Variants in IGDCC3 observed in about 807,000 individuals in gnomAD.
IGDCC3 encodes the protein immunoglobulin superfamily DCC subclass member 3.
Under a neutral mutation model 72.0 loss-of-function variants are expected in IGDCC3, and 47 were observed. The ratio of observed to expected loss-of-function variants is 0.65; its 90% confidence interval spans 0.52 to 0.83. The LOEUF (loss-of-function observed/expected upper bound fraction) is 0.83. IGDCC3 is among the 40% of genes least tolerant of loss of function. The pLI, the probability that IGDCC3 is intolerant of heterozygous loss-of-function variation, is 0.00. For missense variants in IGDCC3, 1,038 were observed against 1,091.3 expected, an observed-to-expected ratio of 0.95 and a Z score of 0.69; for synonymous variants, 477 against 472.8, an observed-to-expected ratio of 1.01 and a Z score of -0.11.
intron 2 of IGDCC3, among the ~76,000 whole-genome samples, chr15:65,361,533 T>C (rs2091261527): frequency 1.3e-5 from 2 of 151,428 alleles, no homozygotes; most frequent in Non-Finnish European, 2.9e-5. Flanking sequence ...TCTCCATTGT[T>C]CCCCCTCTCA....
At chr15:65,372,603 C>T (rs1018176992) in intron 2 of IGDCC3, among the ~76,000 whole-genome samples, 1 of 152,162 alleles carries the variant, frequency 6.6e-6, no homozygotes, top group Non-Finnish European at 1.5e-5. Flanking sequence ...CATCTGCCTC[C>T]CTGGGTTAGT....
chr15:65,353,969 G>C (rs572712284), intron 2 of IGDCC3, among the ~76,000 whole-genome samples: 3 of 152,002 alleles, frequency 2.0e-5, no homozygotes, highest in Non-Finnish European at 4.4e-5. Context: ...GCAGTGGCGC[G>C]ATCTCAGTTC....
chr15:65,341,312 G>A (rs1352056447), intron 2 of IGDCC3, among the ~76,000 whole-genome samples: 3 of 152,088 alleles, frequency 2.0e-5, no homozygotes, highest in South Asian at 2.1e-4. Flanking sequence ...TGTGGAACAC[G>A]GTATGATAAC....
At position 65,328,737 on chromosome 15, in the gene IGDCC3, C is replaced by T. The variant is rs1595747261; in HGVS notation, c.*172G>A. On this transcript the variant is annotated 3_prime_UTR_variant, in exon 14 of 14. Transcript: ENST00000327987. Reference sequence around the variant, plus strand: ...TCCAACTCCTGATGGGTGTTAGGGCCGGGGGGTCCCTGTCAAGGCTGCCTT... The same window carrying T: ...TCCAACTCCTGATGGGTGTTAGGGCTGGGGGGTCCCTGTCAAGGCTGCCTT... 1.1e-5 allele frequency: 8 copies of T among 716,974 alleles called. No homozygotes were observed. The highest frequency in any genetic ancestry group is 1.4e-5 in the Non-Finnish European group (7 of 487,664). The allele number at this position is 716,974 out of a possible 1,614,324, so 44.4% of individuals were successfully genotyped here.
intron 2 of IGDCC3, among the ~76,000 whole-genome samples, chr15:65,369,915 C>T (rs1055819599): frequency 6.6e-6 from 1 of 152,192 alleles, no homozygotes; most frequent in Non-Finnish European, 1.5e-5. Context: ...CCCAGAGCCA[C>T]ACACCATGAG....
At chr15:65,330,439 C>T (rs770152534) in intron 10 of IGDCC3, 42 bp from the exon 11 acceptor site, 11 of 1,586,610 alleles carry the variant, frequency 6.9e-6, no homozygotes, top group Non-Finnish European at 7.8e-6. Flanking sequence ...CCCTGCCCAA[C>T]CACGTGCCCT....
chr15:65,353,239 C>CTCCT (rs771443438), intron 2 of IGDCC3, among the ~76,000 whole-genome samples: 4 of 146,178 alleles, frequency 2.7e-5, no homozygotes, highest in South Asian at 2.2e-4. Context: ...CCCTCCCTCC[C>CTCCT]TCCTTCCTTC....
At chr15:65,353,990 C>T (rs1165871030) in intron 2 of IGDCC3, among the ~76,000 whole-genome samples, 1 of 152,170 alleles carries the variant, frequency 6.6e-6, no homozygotes, top group Non-Finnish European at 1.5e-5. Flanking sequence ...ACTGCAACCT[C>T]CACCTCCCTG....
chr15:65,332,112 A>G lies in IGDCC3; in HGVS notation c.983-6T>C, dbSNP rs2090983680. The stretch of plus-strand genomic sequence containing the variant: ...CTGCACAAACTCAGCTGGGGCTGCG[A>G]GTAGAGTCAGGAGGGTGGGGGCGCA... On this transcript the variant is annotated splice_polypyrimidine_tract_variant and splice_region_variant and intron_variant, in intron 6 of 13. Transcript: ENST00000327987. 5 of 1,611,858 alleles carry G rather than the reference A, an allele frequency of 3.1e-6. No homozygotes were observed. The highest frequency in any genetic ancestry group is 4.2e-6 in the Non-Finnish European group (5 of 1,178,936).
rs907246300 is a variant in IGDCC3 at position 65,328,774 on chromosome 15, AC to A, written c.*134del. 1.2e-4 allele frequency: 142 copies of A among 1,179,548 alleles called. No individual in the cohort carries two copies. In the African/African-American group the frequency reaches 2.1e-3, roughly 17 times the overall value. The allele number at this position is 1,179,548 out of a possible 1,614,324, so 73.1% of individuals were successfully genotyped here. On this transcript the variant is annotated 3_prime_UTR_variant, in exon 14 of 14. Transcript: ENST00000327987. ...GTCAAGGCTGCCTTGGGTTTTGACA[AC>A]CCAAGAGGCAGTCAGGATAGAAATG...
chr15:65,357,565 T>C (rs777550576), intron 2 of IGDCC3, among the ~76,000 whole-genome samples: 1 of 152,230 alleles, frequency 6.6e-6, no homozygotes, highest in Admixed American at 6.5e-5. Context: ...GCAACACTTA[T>C]TGAGGGACCA....
intron 2 of IGDCC3, among the ~76,000 whole-genome samples, chr15:65,337,740 G>T (rs559017290): frequency 4.7e-4 from 71 of 152,270 alleles, no homozygotes; most frequent in African/African-American, 1.7e-3. Context: ...ATGAGCCCAG[G>T]GAGTGGAGAG....
intron 2 of IGDCC3, among the ~76,000 whole-genome samples, chr15:65,370,549 T>C (rs1323650802): frequency 7.2e-6 from 1 of 138,658 alleles, no homozygotes; most frequent in African/African-American, 2.7e-5. Flanking sequence ...TATATATATA[T>C]GTGTGTGTGT....
At position 65,377,574 on chromosome 15, in the gene IGDCC3, C is replaced by T; in HGVS notation, c.103+112G>A. 1 of 1,106,962 alleles carries T rather than the reference C, an allele frequency of 9.0e-7. No homozygotes were observed. Among genetic ancestry groups the T allele is most frequent in the Non-Finnish European group, 1.2e-6 (1 of 868,398 alleles). The allele number at this position is 1,106,962 out of a possible 1,614,324, so 68.6% of individuals were successfully genotyped here. A position where few individuals can be genotyped will look rare whatever the true frequency, so the allele number is the denominator to read the frequency against. Reference sequence around the variant, plus strand: ...CAGGGTCCCCCCCGCGCGGGGTCCGCCCTCAGGTCCGCGCCGCTCTCCCCG... The same window carrying T: ...CAGGGTCCCCCCCGCGCGGGGTCCGTCCTCAGGTCCGCGCCGCTCTCCCCG... On this transcript the variant is annotated intron_variant, in intron 1 of 13. Coordinates refer to ENST00000327987, the MANE Select transcript of IGDCC3 (RefSeq NM_004884.4). The surrounding 1 kb of genome is among the most constrained non-coding windows in gnomAD (Gnocchi z 4.9).
chr15:65,356,913 G>A (rs2091226769), intron 2 of IGDCC3, among the ~76,000 whole-genome samples: 1 of 138,576 alleles, frequency 7.2e-6, no homozygotes, highest in South Asian at 2.2e-4. Context: ...GCAGTGGCCT[G>A]ATCTCGGCTC....
chr15:65,333,791 C>G (rs2091000574), intron 5 of IGDCC3, among the ~76,000 whole-genome samples: 1 of 152,216 alleles, frequency 6.6e-6, no homozygotes, highest in African/African-American at 2.4e-5. Context: ...AGTCACATCA[C>G]AGTGCCCCTG....
intron 2 of IGDCC3, among the ~76,000 whole-genome samples, chr15:65,338,466 G>C (rs1201932680): frequency 6.6e-6 from 1 of 152,152 alleles, no homozygotes; most frequent in Non-Finnish European, 1.5e-5. Context: ...ACTGCAGAGT[G>C]GACTGCATGC....
chr15:65,350,586 C>T (rs1031484051), intron 2 of IGDCC3, among the ~76,000 whole-genome samples: 23 of 151,724 alleles, frequency 1.5e-4, no homozygotes, highest in Non-Finnish European at 1.2e-4. Flanking sequence ...CTCAGCCTCC[C>T]GAGTAGCTGG....
At chr15:65,351,982 G>T (rs1420218541) in intron 2 of IGDCC3, among the ~76,000 whole-genome samples, 1 of 152,072 alleles carries the variant, frequency 6.6e-6, no homozygotes, top group African/African-American at 2.4e-5. Flanking sequence ...AACTCTAGCA[G>T]GTGTTCTTAA....
Sources: allele counts gnomAD v4.1 joint callset (sites outside exome capture counted in the v4.1 genomes callset), GRCh38; gene constraint gnomAD v4.1.1; non-coding constraint Gnocchi (gnomAD v3.1); transcripts MANE v1.5; gene names NCBI Gene and HGNC (gene_info 2026-07-23, HGNC 2026-07-21).